The following GBE1 variants were observed in gnomAD, a reference collection of about 807,000 sequenced individuals.
GBE1 encodes 1,4-alpha-glucan branching enzyme 1.
A neutral mutation model predicts 88.8 loss-of-function variants in GBE1; 70 were observed. The observed-to-expected ratio is 0.79, with a 90% CI of 0.65 to 0.96. GBE1 has a LOEUF of 0.96. Ranked by LOEUF, GBE1 falls within the 40% of genes least tolerant of loss-of-function variation. The probability of loss-of-function intolerance (pLI) is 0.00; values close to 1 mark genes in which losing one functional copy is unlikely to be tolerated. For synonymous variants in GBE1, 284 were observed against 300.1 expected, an observed-to-expected ratio of 0.95 and a Z score of 0.56; for missense variants, 872 against 871.0, an observed-to-expected ratio of 1.00 and a Z score of -0.01.
intron 1 of GBE1, among the ~76,000 whole-genome samples, chr3:81,712,797 TAA>T (rs1201597582): frequency 6.7e-5 from 10 of 148,276 alleles, no homozygotes; most frequent in African/African-American, 2.6e-4. Flanking sequence ...TAAAGTATAA[TAA>T]AAATAAATAA....
intron 1 of GBE1, among the ~76,000 whole-genome samples, chr3:81,709,116 C>T (rs1407500729): frequency 6.6e-6 from 1 of 152,078 alleles, no homozygotes; most frequent in Non-Finnish European, 1.5e-5. Flanking sequence ...CTCATTGCTG[C>T]GTAGCATAGT....
intron 2 of GBE1, among the ~76,000 whole-genome samples, chr3:81,697,930 C>T (rs938032777): frequency 1.3e-5 from 2 of 150,494 alleles, no homozygotes; most frequent in African/African-American, 2.4e-5. Flanking sequence ...GGATAAAAAC[C>T]TAATATATAA....
chr3:81,569,392 A>G (rs1703541035), intron 12 of GBE1, among the ~76,000 whole-genome samples: 1 of 152,226 alleles, frequency 6.6e-6, no homozygotes, highest in South Asian at 2.1e-4. Context: ...GTAAAGGCCA[A>G]CTAATATTTT....
chr3:81,621,518 G>C (rs1314711440), intron 7 of GBE1, among the ~76,000 whole-genome samples: 1 of 152,074 alleles, frequency 6.6e-6, no homozygotes, highest in Non-Finnish European at 1.5e-5. Context: ...TTATAAGGCT[G>C]TTCCACAAGC....
At chr3:81,612,678 A>G (rs538339989) in intron 7 of GBE1, 1 of 537,900 alleles carries the variant, frequency 1.9e-6, no homozygotes, top group Non-Finnish European at 3.6e-6. Context: ...CATTAAGTCT[A>G]TTTCATTTTG....
chr3:81,504,331 T>C (rs1213857691), intron 14 of GBE1, among the ~76,000 whole-genome samples: 1 of 151,130 alleles, frequency 6.6e-6, no homozygotes, highest in Non-Finnish European at 1.5e-5. Context: ...AAGATTGCCA[T>C]TCCTAAAAGT....
Position 81,642,897 on chromosome 3 carries a change from A to T in GBE1, c.876T>A (p.Ala292=), listed in dbSNP as rs778351872. The T allele has an allele frequency of 4.3e-6, 7 of 1,613,072 alleles. No individual in the cohort carries two copies. Among genetic ancestry groups the T allele is most frequent in the Non-Finnish European group, 5.9e-6 (7 of 1,179,150 alleles). Residue 292 remains alanine (A), a synonymous_variant, in exon 7 of 16, where the codon GCT becomes GCA. Coordinates refer to ENST00000429644, the MANE Select transcript of GBE1 (RefSeq NM_000158.4). ...IVLLDVVHSH[A]SKNSADGLNM... ...TCAATCCATCTGCTGAATTTTTTGA[A>T]GCATGGCTGTGTACCACATCTAAGA...
chr3:81,565,839 G>T (rs538104526), intron 12 of GBE1, among the ~76,000 whole-genome samples: 4 of 151,954 alleles, frequency 2.6e-5, no homozygotes, highest in Admixed American at 6.6e-5. Context: ...AAAATACTTT[G>T]TTCTCTATTG....
At chr3:81,546,421 G>C (rs915458786) in intron 12 of GBE1, among the ~76,000 whole-genome samples, 1 of 152,296 alleles carries the variant, frequency 6.6e-6, no homozygotes, top group Admixed American at 6.5e-5. Flanking sequence ...TCTTGAAGAG[G>C]GGCTGGGTAA....
At chr3:81,758,584 A>T (rs1019108452) in intron 1 of GBE1, among the ~76,000 whole-genome samples, 2 of 152,346 alleles carry the variant, frequency 1.3e-5, no homozygotes, top group Non-Finnish European at 2.9e-5. Flanking sequence ...GGAACAATTA[A>T]ATGTTGTTTT....
At chr3:81,538,823 T>G (rs1411743800) in intron 12 of GBE1, among the ~76,000 whole-genome samples, 24 of 151,992 alleles carry the variant, frequency 1.6e-4, no homozygotes, top group Admixed American at 1.6e-3. Context: ...GAGGTAGCGA[T>G]AGTATATTAG....
chr3:81,595,165 T>C (rs545800491), intron 7 of GBE1, among the ~76,000 whole-genome samples: 8 of 150,820 alleles, frequency 5.3e-5, no homozygotes, highest in South Asian at 2.1e-4. Flanking sequence ...AGCAATCTAA[T>C]AGATATAAAA....
At position 81,499,229 on chromosome 3, in the gene GBE1, T is replaced by C; in HGVS notation, c.1935-2A>G. ...TCTGAATCTAGCACAATTTTGAATG[T>C]ACAGCTCTTAAGGAATTCACAACAG... On this transcript the variant is annotated splice_acceptor_variant, in intron 14 of 15. Transcript: ENST00000429644. LOFTEE classifies it high-confidence loss of function. 6.4e-7 allele frequency: 1 copy of C among 1,553,604 alleles called. No homozygotes were observed. The highest frequency in any genetic ancestry group is 8.9e-7 in the Non-Finnish European group (1 of 1,127,844).
chr3:81,510,226 A>T (rs1322325801), intron 14 of GBE1, among the ~76,000 whole-genome samples: 1 of 152,144 alleles, frequency 6.6e-6, no homozygotes, highest in African/African-American at 2.4e-5. Context: ...CTCTACCACC[A>T]TCTTGCAGAT....
At chr3:81,623,666 C>T (rs1704362866) in intron 7 of GBE1, among the ~76,000 whole-genome samples, 1 of 152,090 alleles carries the variant, frequency 6.6e-6, no homozygotes, top group African/African-American at 2.4e-5. Context: ...TTATCTGAGA[C>T]AGCGTTTCAC....
At position 81,513,610 on chromosome 3, in the gene GBE1, G is replaced by T. The variant is rs191481118; in HGVS notation, c.1935-14383C>A. Among the ~76,000 whole-genome samples the T allele has an allele frequency of 4.8e-3, 721 of 150,954 alleles. 2 individuals carry two copies. The highest frequency in any genetic ancestry group is 5.3e-3 in the Non-Finnish European group (356 of 67,550). On this transcript the variant is annotated intron_variant, in intron 14 of 15. Coordinates refer to ENST00000429644, the MANE Select transcript of GBE1 (RefSeq NM_000158.4). ...ACAAAAAGTAGGACAATAGAAAAAA[G>T]ACAACAGACAGGATTAGTACCTATT...
chr3:81,584,664 A>T (rs1703776062), intron 10 of GBE1, among the ~76,000 whole-genome samples: 1 of 151,536 alleles, frequency 6.6e-6, no homozygotes, highest in South Asian at 2.1e-4. Flanking sequence ...GATAACTATG[A>T]TTATTATAGT....
At chr3:81,609,312 C>G (rs1704142226) in intron 7 of GBE1, among the ~76,000 whole-genome samples, 1 of 152,104 alleles carries the variant, frequency 6.6e-6, no homozygotes, top group African/African-American at 2.4e-5. Context: ...CCTCTAATTA[C>G]TAATGAGGAA....
At chr3:81,603,694 C>T (rs1218135210) in intron 7 of GBE1, among the ~76,000 whole-genome samples, 1 of 152,118 alleles carries the variant, frequency 6.6e-6, no homozygotes, top group African/African-American at 2.4e-5. Flanking sequence ...TGGGGTTTCA[C>T]CATGTTGGCC....
Sources: allele counts gnomAD v4.1 joint callset (sites outside exome capture counted in the v4.1 genomes callset), GRCh38; gene constraint gnomAD v4.1.1; transcripts MANE v1.5; gene names NCBI Gene and HGNC (gene_info 2026-07-23, HGNC 2026-07-21).